The following ZFHX3 variants were observed in gnomAD, a reference collection of about 807,000 sequenced individuals.
ZFHX3 encodes the protein zinc finger homeobox protein 3.
A neutral mutation model predicts 279.1 loss-of-function variants in ZFHX3; 42 were observed. That is an observed-to-expected ratio of 0.15 (90% confidence interval 0.12 to 0.19). The LOEUF is 0.19. ZFHX3 is among the 10% of genes least tolerant of loss of function. The pLI, the probability that ZFHX3 is intolerant of heterozygous loss-of-function variation, is 1.00. For missense variants in ZFHX3, 4,981 were observed against 4,754.0 expected (o/e 1.05, Z -1.40); for synonymous variants, 2,293 against 1,957.8 (o/e 1.17, Z -4.52).
chr16:73,041,634 T>C (rs530701211), intron 1 of ZFHX3, among the ~76,000 whole-genome samples: 1 of 152,284 alleles, frequency 6.6e-6, no homozygotes, highest in Non-Finnish European at 1.5e-5. Flanking sequence ...AGAACAGAGA[T>C]GGCATTTAAA....
chr16:72,887,770 C>A (rs1758148773), intron 4 of ZFHX3, among the ~76,000 whole-genome samples: 1 of 150,062 alleles, frequency 6.7e-6, no homozygotes, highest in East Asian at 2.0e-4. Flanking sequence ...TGAGTGTATA[C>A]AGGGGGTGTG....
At position 73,241,138 on chromosome 16, in the gene ZFHX3, C is replaced by T. The variant is rs566112680; in HGVS notation, c.-1104+15909G>A. ...CCTCCCGCTGTTTATGATTTAAAGT[C>T]GGCCTTGGCGAAATGACAGATGACT... On this transcript the variant is annotated intron_variant, in intron 5 of 17. Coordinates refer to the ZFHX3 transcript ENST00000641206. 3.9e-5 allele frequency among the ~76,000 whole-genome samples: 6 copies of T among 152,304 alleles called. No homozygotes were observed. In the South Asian group the frequency reaches 8.3e-4, roughly 21 times the overall value.
chr16:73,331,685 T>C lies in ZFHX3; in HGVS notation c.-1290-13349A>G, dbSNP rs535005665. ...AAGATCATGAGCTGTTGATATAGTA[T>C]ACTAAAATAACACATTTGTACGCCA... On this transcript the variant is annotated intron_variant, in intron 3 of 17. Coordinates refer to the ZFHX3 transcript ENST00000641206. Among the ~76,000 whole-genome samples, 9 of 152,340 alleles carry C rather than the reference T, an allele frequency of 5.9e-5. No individual in the cohort carries two copies. In the East Asian group the frequency reaches 7.7e-4, roughly 13 times the overall value.
chr16:73,845,600 G>C (rs115475144), intron 1 of ZFHX3, among the ~76,000 whole-genome samples: 3 of 151,484 alleles, frequency 2.0e-5, no homozygotes, highest in Non-Finnish European at 4.4e-5. Flanking sequence ...AATCAATTCC[G>C]AGTCAGCAGA....
intron 3 of ZFHX3, among the ~76,000 whole-genome samples, chr16:73,419,030 G>C (rs765050885): frequency 2.6e-5 from 4 of 152,084 alleles, no homozygotes; most frequent in African/African-American, 7.2e-5. Context: ...CAGCTCTAGA[G>C]TAAACAAAAT....
At chr16:73,090,463 T>C (rs1966059597) in intron 8 of ZFHX3, among the ~76,000 whole-genome samples, 1 of 152,356 alleles carries the variant, frequency 6.6e-6, no homozygotes, top group East Asian at 1.9e-4. Context: ...GCAAAAAGTA[T>C]TCTGAGCTCA....
At position 73,011,525 on chromosome 16, in the gene ZFHX3, G is replaced by T. The variant is rs1387957971; in HGVS notation, c.-50+36227C>A. Among the ~76,000 whole-genome samples, 3 of 151,932 alleles carry T rather than the reference G, an allele frequency of 2.0e-5. 1 individual carries two copies. Among genetic ancestry groups the T allele is most frequent in the Admixed American group, 6.6e-5 (1 of 15,260 alleles). ...TGGGAGGCCAAGGTGGGCAGATCAC[G>T]AGGTCAAGAGATCAAGACCATCCTG... On this transcript the variant is annotated intron_variant, in intron 1 of 9. Transcript: ENST00000268489.
chr16:73,499,041 G>A (rs894584410), intron 2 of ZFHX3, among the ~76,000 whole-genome samples: 3 of 152,140 alleles, frequency 2.0e-5, no homozygotes, highest in Non-Finnish European at 4.4e-5. Context: ...TGGACTCATG[G>A]GCAAAACTAC....
chr16:73,293,986 C>CAAAAAAAAAAAAAA (rs56783722), intron 4 of ZFHX3: 2 of 41,748 alleles, frequency 4.8e-5, no homozygotes, highest in Non-Finnish European at 9.0e-5. Context: ...GTCAATATGC[C>CAAAAAAAAAAAAAA]AAAAAAAAAA....
chr16:73,693,637 G>C (rs1173953934), intron 1 of ZFHX3, among the ~76,000 whole-genome samples: 2 of 152,164 alleles, frequency 1.3e-5, no homozygotes, highest in Non-Finnish European at 2.9e-5. Flanking sequence ...CTTAGCACTG[G>C]CCTCTGTCTC....
chr16:72,932,467 G>GA lies in ZFHX3; in HGVS notation c.3216+18001dup, dbSNP rs77027785. Among the ~76,000 whole-genome samples the GA allele has an allele frequency of 2.6e-3, 381 of 144,980 alleles. 3 individuals carry two copies. Among genetic ancestry groups the GA allele is most frequent in the Admixed American group, 0.017 (255 of 14,586 alleles). On this transcript the variant is annotated intron_variant, in intron 3 of 9. Transcript: ENST00000268489. ...AGAGGAGATGGAGATATCCCTTTGG[G>GA]AAAAAAAAAAAGTCCTACAAACACA...
chr16:73,641,904 G>A (rs948887268), intron 2 of ZFHX3, among the ~76,000 whole-genome samples: 2 of 152,008 alleles, frequency 1.3e-5, no homozygotes, highest in Non-Finnish European at 2.9e-5. Context: ...CTGCAAATTG[G>A]TCTCTCTGTG....
At chr16:73,504,828 A>C (rs1360037308) in intron 2 of ZFHX3, 2 of 146,422 alleles carry the variant, frequency 1.4e-5, no homozygotes, top group Non-Finnish European at 3.0e-5. Flanking sequence ...GGCGGTGGGG[A>C]GTGGAGGTGG....
At chr16:73,885,098 G>C (rs757031017) in intron 1 of ZFHX3, among the ~76,000 whole-genome samples, 12 of 150,372 alleles carry the variant, frequency 8.0e-5, no homozygotes, top group Non-Finnish European at 1.8e-4. Flanking sequence ...GCTGCTGAAA[G>C]GATTGAAAAT....
chr16:72,905,838 C>T (rs1357417983), intron 3 of ZFHX3, among the ~76,000 whole-genome samples: 1 of 152,216 alleles, frequency 6.6e-6, no homozygotes, highest in Non-Finnish European at 1.5e-5. Context: ...CTTTTCAATA[C>T]ACACATCACA....
At chr16:73,719,857 T>C (rs1047975443) in intron 1 of ZFHX3, among the ~76,000 whole-genome samples, 2 of 151,038 alleles carry the variant, frequency 1.3e-5, no homozygotes, top group Admixed American at 6.6e-5. Flanking sequence ...GGTCTCAAAC[T>C]CCCAACCTCA....
intron 2 of ZFHX3, among the ~76,000 whole-genome samples, chr16:73,650,738 G>A (rs1398004869): frequency 6.6e-6 from 1 of 152,132 alleles, no homozygotes; most frequent in Non-Finnish European, 1.5e-5. Context: ...ATTTAGGGTG[G>A]TCTTGAAGGT....
At chr16:73,833,182 G>C (rs1307698406) in intron 1 of ZFHX3, among the ~76,000 whole-genome samples, 1 of 152,088 alleles carries the variant, frequency 6.6e-6, no homozygotes, top group Non-Finnish European at 1.5e-5. Flanking sequence ...AGGCGACGTA[G>C]CAAGACCTCA....
intron 1 of ZFHX3, among the ~76,000 whole-genome samples, chr16:73,860,172 A>G (rs1483357779): frequency 1.3e-5 from 2 of 152,180 alleles, no homozygotes; most frequent in African/African-American, 4.8e-5. Context: ...TTTCTTTTCT[A>G]GTTAAGAAAA....
Sources: allele counts gnomAD v4.1 joint callset (sites outside exome capture counted in the v4.1 genomes callset), GRCh38; gene constraint gnomAD v4.1.1; transcripts MANE v1.5; gene names NCBI Gene and HGNC (gene_info 2026-07-23, HGNC 2026-07-21).